The following OCA2 variants were observed in gnomAD, a reference collection of about 807,000 sequenced individuals.
OCA2 encodes the protein OCA2 melanosomal transmembrane protein.
In OCA2, 77 loss-of-function variants were observed where a neutral mutation model predicts 100.2. The ratio of observed to expected loss-of-function variants is 0.77; its 90% CI spans 0.64 to 0.93. The LOEUF (loss-of-function observed/expected upper bound fraction) is 0.93, where lower values mean the gene tolerates loss of function less well. Among genes scored for constraint, OCA2 ranks in the 40% least tolerant of loss-of-function variants. The probability of loss-of-function intolerance (pLI) is 0.00; values close to 1 mark genes in which losing one functional copy is unlikely to be tolerated. For missense variants in OCA2, 1,062 were observed against 1,089.1 expected (o/e 0.98, Z 0.35); for synonymous variants, 432 against 439.2 (o/e 0.98, Z 0.21).
At chr15:28,079,308 T>C (rs1453112486) in intron 2 of OCA2, among the ~76,000 whole-genome samples, 2 of 152,130 alleles carry the variant, frequency 1.3e-5, no homozygotes, top group African/African-American at 4.8e-5. Flanking sequence ...TGTTTTTTTT[T>C]TTTTCATTTT....
chr15:27,780,118 C>T (rs2032460673), intron 23 of OCA2, among the ~76,000 whole-genome samples: 1 of 152,168 alleles, frequency 6.6e-6, no homozygotes, highest in Admixed American at 6.5e-5. Flanking sequence ...TGTCTGATCC[C>T]TACATGCTCA....
chr15:28,003,297 C>T (rs998545073), intron 9 of OCA2, among the ~76,000 whole-genome samples: 1 of 152,262 alleles, frequency 6.6e-6, no homozygotes, highest in Non-Finnish European at 1.5e-5. Flanking sequence ...GCCAGCCACA[C>T]TTCCCCATCT....
At chr15:27,993,507 G>A (rs1393113590) in intron 9 of OCA2, among the ~76,000 whole-genome samples, 3 of 152,258 alleles carry the variant, frequency 2.0e-5, no homozygotes, top group South Asian at 2.1e-4. Flanking sequence ...GAGGAGGTCC[G>A]TGGACATCAT....
Position 27,986,605 on chromosome 15 carries a change from G to T in OCA2, c.1221C>A (p.Phe407Leu). 1 of 1,590,672 alleles carries T rather than the reference G, an allele frequency of 6.3e-7. No individual in the cohort carries two copies. Among genetic ancestry groups the T allele is most frequent in the Non-Finnish European group, 8.6e-7 (1 of 1,158,400 alleles). The change falls in exon 12 of 24, where the codon TTC becomes TTA. Residue 407 changes from phenylalanine (F) to leucine (L), a missense_variant. Phe to Leu is a conservative substitution (Grantham distance 22). Transcript: ENST00000354638. ...TACCTACCTTTACAGCACAATAATC[G>T]AAAAATCCCGTTTCTGAAAATATGG... is the stretch of plus-strand genomic sequence containing the variant. Reference protein sequence around the residue: ...LVAIFSETGFFDYCAVKAYRL... With the variant: ...LVAIFSETGFLDYCAVKAYRL...
intron 17 of OCA2, among the ~76,000 whole-genome samples, chr15:27,954,576 C>T (rs16950664): frequency 0.01 from 1,526 of 152,244 alleles, 28 homozygotes; most frequent in African/African-American, 0.034. Context: ...CTGCATGGAT[C>T]TGAAATGTCA....
the OCA2 span, among the ~76,000 whole-genome samples, chr15:27,729,663 C>A: frequency 6.6e-6 from 1 of 152,166 alleles, no homozygotes; most frequent in Non-Finnish European, 1.5e-5. Context: ...CATGCTGCCA[C>A]TTTCTCTGCC....
At chr15:27,821,656 AC>A (rs1370592779) in intron 23 of OCA2, among the ~76,000 whole-genome samples, 1 of 38,362 alleles carries the variant, frequency 2.6e-5, no homozygotes, top group African/African-American at 7.5e-5. Context: ...GCACACAGAC[AC>A]AGGCTCACAT....
rs550459609 is a variant in OCA2 at position 27,905,212 on chromosome 15, A to G, written c.2079+20915T>C. 3.9e-5 allele frequency among the ~76,000 whole-genome samples: 6 copies of G among 151,912 alleles called. No homozygotes were observed. In the East Asian group the frequency reaches 1.2e-3, roughly 30 times the overall value. ...AATGTGGACAGCTGAGGACAATGGC[A>G]GTGGTATAACTGCTTCTATCCCAAA... On this transcript the variant is annotated intron_variant, in intron 19 of 23. Transcript: ENST00000354638.
At chr15:28,025,325 A>G (rs2042716830) in intron 4 of OCA2, among the ~76,000 whole-genome samples, 1 of 152,222 alleles carries the variant, frequency 6.6e-6, no homozygotes, top group Non-Finnish European at 1.5e-5. Context: ...AAATACAAAA[A>G]CAAATAACTT....
rs187006211 is a variant in OCA2 at position 27,773,240 on chromosome 15, T to C, written c.2433-17768A>G. ...TGGCTATTTTTATATAATTTTGGTT[T>C]AGGTTTTGAGTTTTTTATTCCTTTT... On this transcript the variant is annotated intron_variant, in intron 23 of 23. Coordinates refer to ENST00000354638, the MANE Select transcript of OCA2 (RefSeq NM_000275.3). Among the ~76,000 whole-genome samples, 4 of 152,316 alleles carry C rather than the reference T, an allele frequency of 2.6e-5. No homozygotes were observed. In the East Asian group the frequency reaches 7.7e-4, roughly 29 times the overall value.
At chr15:27,855,641 T>A (rs1366328918) in intron 21 of OCA2, among the ~76,000 whole-genome samples, 1 of 152,234 alleles carries the variant, frequency 6.6e-6, no homozygotes, top group Non-Finnish European at 1.5e-5. Context: ...CCATGTTATC[T>A]TGTCTATGCT....
intron 2 of OCA2, among the ~76,000 whole-genome samples, chr15:28,053,164 G>A (rs7169002): frequency 0.091 from 13,908 of 152,250 alleles, 811 homozygotes; most frequent in African/African-American, 0.16. Context: ...TCACCAAAGA[G>A]TTGGTTGGAG....
intron 23 of OCA2, among the ~76,000 whole-genome samples, chr15:27,767,232 T>G (rs1184531928): frequency 1.3e-5 from 2 of 152,196 alleles, no homozygotes; most frequent in Non-Finnish European, 2.9e-5. Flanking sequence ...TGAGGACCCA[T>G]GGACTGACCC....
intron 21 of OCA2, among the ~76,000 whole-genome samples, chr15:27,862,297 C>T (rs143792628): frequency 1.3e-5 from 2 of 152,222 alleles, no homozygotes; most frequent in African/African-American, 4.8e-5. Flanking sequence ...TCACAGAAAG[C>T]GTGGTCATCA....
intron 23 of OCA2, among the ~76,000 whole-genome samples, chr15:27,763,442 G>C (rs762447742): frequency 6.6e-6 from 1 of 152,174 alleles, no homozygotes; most frequent in Non-Finnish European, 1.5e-5. Flanking sequence ...TCAAAACTCA[G>C]TGGTACAAAC....
intron 2 of OCA2, among the ~76,000 whole-genome samples, chr15:28,061,463 T>G (rs1319119773): frequency 6.6e-6 from 1 of 152,170 alleles, no homozygotes; most frequent in Non-Finnish European, 1.5e-5. Flanking sequence ...AGCTTCCATA[T>G]TATATTCTTT....
At chr15:27,874,976 C>T (rs994944771) in intron 19 of OCA2, among the ~76,000 whole-genome samples, 4 of 152,086 alleles carry the variant, frequency 2.6e-5, no homozygotes, top group Non-Finnish European at 5.9e-5. Context: ...CTTAAATATA[C>T]ACAATGGGAA....
chr15:27,840,467 C>T (rs1196957875), intron 23 of OCA2, among the ~76,000 whole-genome samples: 1 of 152,196 alleles, frequency 6.6e-6, no homozygotes, highest in African/African-American at 2.4e-5. Context: ...AATTATGTGT[C>T]TATTCCAATA....
At chr15:27,961,562 A>G (rs1455383053) in intron 15 of OCA2, among the ~76,000 whole-genome samples, 1 of 152,246 alleles carries the variant, frequency 6.6e-6, no homozygotes, top group African/African-American at 2.4e-5. Flanking sequence ...ATGCCCATCA[A>G]TGACAGACTG....
Sources: gnomAD v4.1 joint callset for allele counts (sites outside exome capture counted in the v4.1 genomes callset) on GRCh38, gnomAD v4.1.1 for gene constraint, MANE v1.5 for transcripts, NCBI Gene and HGNC (gene_info 2026-07-23, HGNC 2026-07-21) for gene names.